NLGN4X: variants seen among roughly 807,000 people sequenced by gnomAD.
NLGN4X encodes the protein neuroligin 4 X-linked, also known as neuroligin-4, X-linked.
NLGN4X carries 3 observed loss-of-function variants against 40.3 expected under a neutral mutation model. The observed-to-expected ratio is 0.07, with a 90% CI of 0.03 to 0.19. NLGN4X has a LOEUF of 0.19. Among genes scored for constraint, NLGN4X ranks in the 10% least tolerant of loss-of-function variants. NLGN4X has a pLI of 1.00. For synonymous variants in NLGN4X, 270 were observed against 306.8 expected (o/e 0.88, Z 1.25); for missense variants, 382 against 708.3 (o/e 0.54, Z 5.23).
intron 3 of NLGN4X, among the ~76,000 whole-genome samples, chrX:5,947,402 A>G (rs1261741547): frequency 1.8e-5 from 2 of 111,868 alleles, no homozygotes; most frequent in Admixed American, 1.9e-4. Context: ...CGTTTGCACA[A>G]GTGTTTTCAA....
At chrX:5,996,568 G>T (rs72609503) in intron 3 of NLGN4X, among the ~76,000 whole-genome samples, 1 of 107,268 alleles carries the variant, frequency 9.3e-6, no homozygotes, top group Non-Finnish European at 1.9e-5. Flanking sequence ...GTGTGGGCCT[G>T]CCCACAGAAA....
intron 1 of NLGN4X, among the ~76,000 whole-genome samples, chrX:6,166,864 G>C (rs2040507080): frequency 9.1e-6 from 1 of 110,212 alleles, no homozygotes; most frequent in Non-Finnish European, 1.9e-5. Flanking sequence ...TTGAGCCTAA[G>C]AGTTCAAGAC....
intron 5 of NLGN4X, among the ~76,000 whole-genome samples, chrX:5,897,005 G>T (rs912948545): frequency 9.0e-6 from 1 of 111,240 alleles, no homozygotes; most frequent in Non-Finnish European, 1.9e-5. Flanking sequence ...TTAATCATAG[G>T]ATACCAGCAC....
At chrX:5,971,753 C>T (rs1318802930) in intron 3 of NLGN4X, among the ~76,000 whole-genome samples, 1 of 111,444 alleles carries the variant, frequency 9.0e-6, no homozygotes, top group Non-Finnish European at 1.9e-5. Context: ...GAAAATGATA[C>T]TAGACAAAAC....
chrX:6,090,722 TGGTTCACAACCAGG>T (rs1363680126), intron 2 of NLGN4X, among the ~76,000 whole-genome samples: 2 of 111,638 alleles, frequency 1.8e-5, no homozygotes, highest in Non-Finnish European at 3.8e-5. Context: ...TTTTGAGTGG[TGGTTCACAACCAGG>T]GGTGGTTTCG....
At chrX:5,949,255 G>C (rs1202963886) in intron 3 of NLGN4X, among the ~76,000 whole-genome samples, 1 of 111,920 alleles carries the variant, frequency 8.9e-6, no homozygotes, top group African/African-American at 3.2e-5. Context: ...TCTTAAACCT[G>C]ATTGATCAGG....
intron 3 of NLGN4X, among the ~76,000 whole-genome samples, chrX:5,973,374 C>A (rs2035082241): frequency 8.9e-6 from 1 of 112,809 alleles, no homozygotes; most frequent in African/African-American, 3.2e-5. Flanking sequence ...AGGAGTTTCA[C>A]TGACCTGAGA....
chrX:6,023,746 CAATT>C (rs1024714457), intron 3 of NLGN4X, among the ~76,000 whole-genome samples: 45 of 112,112 alleles, frequency 4.0e-4, no homozygotes, highest in African/African-American at 1.4e-3. Flanking sequence ...TTTGAAGCAA[CAATT>C]AATTTCAGCA....
chrX:6,154,550 C>G (rs2040225461), intron 1 of NLGN4X, among the ~76,000 whole-genome samples: 1 of 109,370 alleles, frequency 9.1e-6, no homozygotes, highest in South Asian at 3.9e-4. Context: ...GTTTCAAAAA[C>G]TGAAAAGGAT....
rs928922419 is a variant in NLGN4X at position 6,151,662 on chromosome X, G to A, written c.-196C>T. The A allele has an allele frequency of 1.6e-5, 7 of 446,974 alleles. No homozygotes were observed. In the African/African-American group the frequency reaches 1.7e-4, roughly 11 times the overall value. 36.8% of individuals were successfully genotyped at this position (446,974 alleles called of 1,213,427 possible). ...TTTCTTGGCAGCCCATTGCAAGGAG[G>A]CAGCCCTCCCTTAATCCTGAAACTG... On this transcript the variant is annotated 5_prime_UTR_variant, in exon 2 of 6. Transcript: ENST00000381095.
chrX:6,150,415 C>T (rs1344021748), intron 2 of NLGN4X, among the ~76,000 whole-genome samples: 1 of 111,723 alleles, frequency 9.0e-6, no homozygotes, highest in South Asian at 3.7e-4. Context: ...TTGATTGCAG[C>T]GAATATTGGA....
chrX:6,094,679 C>G (rs1160684738), intron 2 of NLGN4X, among the ~76,000 whole-genome samples: 1 of 111,374 alleles, frequency 9.0e-6, no homozygotes, highest in East Asian at 2.8e-4. Flanking sequence ...CATTGCATCT[C>G]AAATATTTCT....
intron 1 of NLGN4X, among the ~76,000 whole-genome samples, chrX:6,193,603 C>T (rs1440259423): frequency 9.0e-6 from 1 of 111,352 alleles, no homozygotes; most frequent in Non-Finnish European, 1.9e-5. Context: ...CAAGAACTAG[C>T]CGATCATGAC....
intron 1 of NLGN4X, among the ~76,000 whole-genome samples, chrX:6,180,328 G>C (rs771545130): frequency 6.3e-5 from 7 of 110,960 alleles, no homozygotes; most frequent in Non-Finnish European, 1.1e-4. Context: ...GTTTAGCATC[G>C]GCCCCCTTGG....
chrX:6,056,887 G>A (rs766060309), intron 2 of NLGN4X, among the ~76,000 whole-genome samples: 3 of 112,227 alleles, frequency 2.7e-5, no homozygotes, highest in South Asian at 7.3e-4. Context: ...AATGGAAAGC[G>A]ATGGATGGCC....
At chrX:5,994,418 G>A (rs1458678285) in intron 3 of NLGN4X, among the ~76,000 whole-genome samples, 1 of 111,457 alleles carries the variant, frequency 9.0e-6, no homozygotes, top group African/African-American at 3.3e-5. Flanking sequence ...TTGAGGGCTT[G>A]GATTAAACAA....
chrX:6,133,379 A>C (rs1459758360), intron 2 of NLGN4X, among the ~76,000 whole-genome samples: 1 of 111,819 alleles, frequency 8.9e-6, no homozygotes, highest in Non-Finnish European at 1.9e-5. Context: ...TTGCACACAC[A>C]CCTCCTAATT....
chrX:6,224,430 C>T (rs1290070754), intron 1 of NLGN4X, among the ~76,000 whole-genome samples: 8 of 112,084 alleles, frequency 7.1e-5, no homozygotes, highest in Non-Finnish European at 1.3e-4. Flanking sequence ...TCAGTCAACA[C>T]TCTCATCTTT....
At chrX:6,004,762 C>T (rs2036060366) in intron 3 of NLGN4X, among the ~76,000 whole-genome samples, 1 of 111,890 alleles carries the variant, frequency 8.9e-6, no homozygotes, top group South Asian at 3.8e-4. Flanking sequence ...CCTGTTTCCC[C>T]CATTCCCTGG....
Sources: gnomAD v4.1 joint callset for allele counts (sites outside exome capture counted in the v4.1 genomes callset) on GRCh38, gnomAD v4.1.1 for gene constraint, MANE v1.5 for transcripts, NCBI Gene and HGNC (gene_info 2026-07-23, HGNC 2026-07-21) for gene names.